Variants in UROS observed in about 807,000 individuals in gnomAD.
UROS encodes uroporphyrinogen III synthase.
UROS carries 18 observed loss-of-function variants against 33.0 expected under a neutral mutation model. The observed-to-expected ratio is 0.55, with a 90% CI of 0.38 to 0.81. UROS has a LOEUF of 0.81. UROS is among the 30% of genes least tolerant of loss of function. UROS has a pLI of 0.00. For synonymous variants in UROS, 114 were observed against 121.1 expected, an observed-to-expected ratio of 0.94 and a Z score of 0.38; for missense variants, 293 against 314.9, an observed-to-expected ratio of 0.93 and a Z score of 0.53.
chr10:125,818,865 A>G (rs1201790620), intron 1 of UROS, among the ~76,000 whole-genome samples: 1 of 152,238 alleles, frequency 6.6e-6, no homozygotes, highest in Non-Finnish European at 1.5e-5. Context: ...AATTTTACCC[A>G]GCATCTTTGA....
In UROS at chr10:125,789,006, C is replaced by CTA; in HGVS notation, c.661-3_661-2dup. 6.2e-7 allele frequency: 1 copy of CTA among 1,612,890 alleles called. No individual in the cohort carries two copies. The highest frequency in any genetic ancestry group is 8.5e-7 in the Non-Finnish European group (1 of 1,179,976). ...CCGTAGTGGGGCCGATGGCTGCAAA[C>CTA]TATAAAGACAGAAGAGAAAACAGGG... On this transcript the variant is annotated splice_acceptor_variant, in intron 9 of 9. Coordinates refer to ENST00000368797, the MANE Select transcript of UROS (RefSeq NM_000375.3). LOFTEE classifies it high-confidence loss of function.
At chr10:125,805,642 T>C (rs1200618726) in intron 6 of UROS, among the ~76,000 whole-genome samples, 1 of 152,242 alleles carries the variant, frequency 6.6e-6, no homozygotes, top group Non-Finnish European at 1.5e-5. Context: ...TCAATTGTAT[T>C]TAATTTCAAT....
rs1199227662 is a variant in UROS at position 125,807,460 on chromosome 10, CCTT to C, written c.344_346del (p.Glu115del). ...CTTTTCTGCATTTCCACAGGTTTCT[CCTT>C]CTGTATCCAGGCCAATTTTACTCAC... On this transcript the variant is annotated inframe_deletion, in exon 6 of 10. Coordinates refer to ENST00000368797, the MANE Select transcript of UROS (RefSeq NM_000375.3). 2.5e-6 allele frequency: 4 copies of C among 1,614,002 alleles called. No individual in the cohort carries two copies. Among genetic ancestry groups the C allele is most frequent in the African/African-American group, 2.7e-5 (2 of 74,938 alleles).
In UROS at chr10:125,815,148, A is replaced by G. The variant is rs201655417; in HGVS notation, c.148-18T>C. On this transcript the variant is annotated intron_variant, in intron 3 of 9. Transcript: ENST00000368797. ...TGAGAAAGCTGCACACCAAAAAGCAATAAAGACATTTTATACGATGGCTAT... is the reference window on the plus strand; with the variant it reads ...TGAGAAAGCTGCACACCAAAAAGCAGTAAAGACATTTTATACGATGGCTAT... The G allele has an allele frequency of 6.2e-7, 1 of 1,613,644 alleles. No individual in the cohort carries two copies. The highest frequency in any genetic ancestry group is 1.3e-5 in the African/African-American group (1 of 75,050).
intron 5 of UROS, among the ~76,000 whole-genome samples, chr10:125,809,475 G>A (rs4962490): frequency 0.017 from 2,609 of 152,232 alleles, 196 homozygotes; most frequent in Admixed American, 0.14. Context: ...ATTTTATGTA[G>A]ACCAAGTACA....
chr10:125,797,630 C>T (rs41306005), intron 7 of UROS, among the ~76,000 whole-genome samples: 25 of 152,138 alleles, frequency 1.6e-4, no homozygotes, highest in Admixed American at 1.2e-3. Flanking sequence ...TTGGGAGCCA[C>T]GGCAGGTGGA....
chr10:125,794,808 T>C, intron 9 of UROS, 72 bp downstream of exon 9: 2 of 1,425,042 alleles, frequency 1.4e-6, no homozygotes, highest in Non-Finnish European at 1.9e-6. Flanking sequence ...ATTGAAGCCC[T>C]AGGATAATTC....
intron 6 of UROS, among the ~76,000 whole-genome samples, chr10:125,806,008 G>A (rs1852299590): frequency 6.6e-6 from 1 of 152,184 alleles, no homozygotes; most frequent in South Asian, 2.1e-4. Context: ...GACTCTGTCA[G>A]GGGCCTAATT....
intron 3 of UROS, among the ~76,000 whole-genome samples, chr10:125,815,436 C>G (rs946079876): frequency 2.0e-4 from 30 of 152,114 alleles, no homozygotes; most frequent in African/African-American, 7.0e-4. Flanking sequence ...CCTGACGCAG[C>G]CTGGGATTAG....
intron 9 of UROS, chr10:125,792,440 A>G (rs1209321320): frequency 1.3e-5 from 2 of 152,266 alleles, no homozygotes; most frequent in Non-Finnish European, 2.9e-5. Flanking sequence ...AGCCACGTTC[A>G]CAGCCTGGCT....
intron 5 of UROS, among the ~76,000 whole-genome samples, chr10:125,809,477 C>T (rs544723847): frequency 6.6e-6 from 1 of 152,228 alleles, no homozygotes; most frequent in African/African-American, 2.4e-5. Flanking sequence ...TTTATGTAGA[C>T]CAAGTACAGT....
chr10:125,806,490 C>A (rs1852347924), intron 6 of UROS, among the ~76,000 whole-genome samples: 1 of 152,194 alleles, frequency 6.6e-6, no homozygotes, highest in South Asian at 2.1e-4. Context: ...AAACTCTAGC[C>A]TGGGGTCAAA....
At chr10:125,818,603 G>C (rs1853572336) in intron 1 of UROS, among the ~76,000 whole-genome samples, 1 of 152,166 alleles carries the variant, frequency 6.6e-6, no homozygotes, top group Non-Finnish European at 1.5e-5. Flanking sequence ...AATCAATTGA[G>C]AAGCGTGCAC....
chr10:125,793,357 G>T (rs112490971), intron 9 of UROS: 2 of 136,760 alleles, frequency 1.5e-5, no homozygotes, highest in Non-Finnish European at 3.2e-5. Flanking sequence ...GGTGGGTGGG[G>T]TGGAGGTGGG....
chr10:125,821,232 A>G (rs764006561), intron 1 of UROS, among the ~76,000 whole-genome samples: 4 of 152,236 alleles, frequency 2.6e-5, no homozygotes, highest in Admixed American at 6.5e-5. Flanking sequence ...TGTAGAAGTA[A>G]CCAAAATGTT....
chr10:125,817,598 T>C (rs576967382), intron 1 of UROS, among the ~76,000 whole-genome samples: 1 of 148,624 alleles, frequency 6.7e-6, no homozygotes, highest in African/African-American at 2.5e-5. Flanking sequence ...TTAGGGTTGC[T>C]GAGTGACTCA....
chr10:125,796,056 C>G, intron 8 of UROS, 47 bp downstream of exon 8: 1 of 1,581,166 alleles, frequency 6.3e-7, no homozygotes, highest in Non-Finnish European at 8.7e-7. Flanking sequence ...CTCTGCTTCC[C>G]CACCTGGGCA....
chr10:125,804,435 A>G (rs1852133858), intron 6 of UROS, among the ~76,000 whole-genome samples: 1 of 152,168 alleles, frequency 6.6e-6, no homozygotes. Flanking sequence ...TCTCCTTTAT[A>G]AAAATCAGTA....
At position 125,788,928 on chromosome 10, in the gene UROS, G is replaced by A. The variant is rs146070712; in HGVS notation, c.738C>T (p.Pro246=). ...TGCCAGTGGCCAGGGCTTGTGGCGT[G>A]GGGCTCTCTGCAGTGCAGCTTACAG... ...GLPVSCTAES[P]TPQALATGIR... The change falls in exon 10 of 10, where the codon CCC becomes CCT. Residue 246 remains proline, a synonymous_variant. Transcript: ENST00000368797. 178 of 1,609,648 alleles carry A rather than the reference G, an allele frequency of 1.1e-4. 1 individual carries two copies. In the African/African-American group the frequency reaches 2.2e-3, roughly 20 times the overall value.
Sources: allele counts gnomAD v4.1 joint callset (sites outside exome capture counted in the v4.1 genomes callset), GRCh38; gene constraint gnomAD v4.1.1; transcripts MANE v1.5; gene names NCBI Gene and HGNC (gene_info 2026-07-23, HGNC 2026-07-21).